The following CNTNAP4 variants were observed in gnomAD, a reference collection of about 807,000 sequenced individuals.
The protein encoded by CNTNAP4 is contactin associated protein family member 4.
CNTNAP4 carries 98 observed loss-of-function variants against 148.4 expected under a neutral mutation model. The ratio of observed to expected loss-of-function variants is 0.66; its 90% CI spans 0.56 to 0.78. The LOEUF is 0.78. CNTNAP4 is among the 30% of genes least tolerant of loss of function. CNTNAP4 has a pLI of 0.00. For missense variants in CNTNAP4, 1,935 were observed against 1,565.6 expected (o/e 1.24, Z -3.98); for synonymous variants, 730 against 565.1 (o/e 1.29, Z -4.14).
In CNTNAP4 at chr16:76,509,441, A is replaced by G. The variant is rs1284558514; in HGVS notation, c.2365+10747A>G. Among the ~76,000 whole-genome samples the G allele has an allele frequency of 2.0e-5, 2 of 97,890 alleles. 1 individual carries two copies. Among genetic ancestry groups the G allele is most frequent in the Non-Finnish European group, 5.8e-5 (2 of 34,444 alleles). The allele number at this position is 97,890 out of a possible 152,430, so 64.2% of individuals were successfully genotyped here. On this transcript the variant is annotated intron_variant, in intron 15 of 23. Coordinates refer to ENST00000611870, the MANE Select transcript of CNTNAP4 (RefSeq NM_033401.5). The stretch of plus-strand genomic sequence containing the variant: ...ATTTTAAAAAGAGGTTGAGAAATGA[A>G]TTTATAAAACTTTATTCATTAAAAT...
chr16:76,373,363 A>G (rs954930937), intron 3 of CNTNAP4, among the ~76,000 whole-genome samples: 1 of 152,206 alleles, frequency 6.6e-6, no homozygotes, highest in African/African-American at 2.4e-5. Context: ...TCTTAGTCAT[A>G]AAAACCAGGA....
chr16:76,420,182 T>C, intron 3 of CNTNAP4, among the ~76,000 whole-genome samples: 1 of 67,524 alleles, frequency 1.5e-5, no homozygotes, highest in African/African-American at 3.5e-5. Flanking sequence ...TTCTAATATA[T>C]TCTAACAGAA....
intron 1 of CNTNAP4, among the ~76,000 whole-genome samples, chr16:76,307,304 A>T (rs1960576247): frequency 6.6e-6 from 1 of 151,892 alleles, no homozygotes; most frequent in Non-Finnish European, 1.5e-5. Flanking sequence ...CATTAATCAA[A>T]GCAACGATAT....
At chr16:76,339,012 T>G (rs970991703) in intron 2 of CNTNAP4, among the ~76,000 whole-genome samples, 2 of 152,120 alleles carry the variant, frequency 1.3e-5, no homozygotes, top group African/African-American at 4.8e-5. Flanking sequence ...GGATGAAAAT[T>G]GAGGGTAGTA....
At chr16:76,514,446 T>C (rs1307261672) in intron 15 of CNTNAP4, among the ~76,000 whole-genome samples, 2 of 152,254 alleles carry the variant, frequency 1.3e-5, no homozygotes, top group African/African-American at 4.8e-5. Flanking sequence ...AGTATAAGAC[T>C]AATGAAAAGA....
intron 17 of CNTNAP4, among the ~76,000 whole-genome samples, chr16:76,529,112 C>T (rs932589420): frequency 6.6e-6 from 1 of 152,186 alleles, no homozygotes; most frequent in African/African-American, 2.4e-5. Context: ...CCAGATAATT[C>T]CAGCCATCAC....
At chr16:76,459,359 T>G (rs1435218372) in intron 8 of CNTNAP4, among the ~76,000 whole-genome samples, 3 of 152,240 alleles carry the variant, frequency 2.0e-5, no homozygotes, top group Admixed American at 2.0e-4. Context: ...TGTGTCTAAA[T>G]GTATCTAACC....
intron 7 of CNTNAP4, 89 bp from the exon 8 acceptor site, chr16:76,452,419 A>G: frequency 7.6e-7 from 1 of 1,309,012 alleles, no homozygotes; most frequent in South Asian, 1.3e-5. Flanking sequence ...AATCGCGGAT[A>G]ATGTGAGATT....
rs1422327807 is a variant in CNTNAP4, at chr16:76,540,871, A to T, written c.3442+81A>T. The T allele has an allele frequency of 1.0e-5, 9 of 900,938 alleles. No homozygotes were observed. The Admixed American group carries it at 1.1e-4, about 11-fold the overall frequency. The allele number at this position is 900,938 out of a possible 1,614,324, so 55.8% of individuals were successfully genotyped here. On this transcript the variant is annotated intron_variant, in intron 21 of 23. Transcript: ENST00000611870. ...GGATCAGAAAAGTCATATTACACAC[A>T]CCCACTTCGTCATGGCAAAGGAAAT...
At chr16:76,344,353 T>A (rs1385696417) in intron 2 of CNTNAP4, among the ~76,000 whole-genome samples, 1 of 152,220 alleles carries the variant, frequency 6.6e-6, no homozygotes, top group African/African-American at 2.4e-5. Flanking sequence ...GATAGATGCA[T>A]TAATTCTTCT....
chr16:76,458,663 A>G (rs1568256238), intron 8 of CNTNAP4, among the ~76,000 whole-genome samples: 1 of 152,168 alleles, frequency 6.6e-6, no homozygotes. Context: ...CTCAGGTGGT[A>G]ATGCAAGTGA....
intron 2 of CNTNAP4, among the ~76,000 whole-genome samples, chr16:76,344,122 T>G (rs1964714025): frequency 6.6e-6 from 1 of 152,174 alleles, no homozygotes; most frequent in African/African-American, 2.4e-5. Context: ...ATCAGTCTAT[T>G]GTAGAACACA....
intron 11 of CNTNAP4, 101 bp downstream of exon 11, chr16:76,476,146 C>G (rs1057386081): frequency 4.4e-5 from 33 of 742,658 alleles, no homozygotes; most frequent in Non-Finnish European, 4.6e-5. Context: ...TGTGCAAACT[C>G]AGCATCCAGT....
intron 21 of CNTNAP4, among the ~76,000 whole-genome samples, chr16:76,552,120 CCTT>C (rs552436103): frequency 1.2e-3 from 171 of 140,832 alleles, no homozygotes; most frequent in Non-Finnish European, 2.1e-3. Flanking sequence ...GAAGCAAAAA[CCTT>C]CTTCACATGG....
chr16:76,290,225 G>A (rs753325598), intron 1 of CNTNAP4, among the ~76,000 whole-genome samples: 1 of 152,072 alleles, frequency 6.6e-6, no homozygotes, highest in Non-Finnish European at 1.5e-5. Context: ...ACAAAAATGA[G>A]GCTTAGACCC....
At chr16:76,500,627 TG>T in intron 15 of CNTNAP4, among the ~76,000 whole-genome samples, 1 of 151,566 alleles carries the variant, frequency 6.6e-6, no homozygotes, top group African/African-American at 2.4e-5. Context: ...TGTGTGTGTG[TG>T]TGTGTGTGTG....
intron 2 of CNTNAP4, among the ~76,000 whole-genome samples, chr16:76,338,645 T>A (rs1964215069): frequency 6.6e-6 from 1 of 152,168 alleles, no homozygotes; most frequent in Non-Finnish European, 1.5e-5. Context: ...TGATGTGCTG[T>A]CTTACTCTTT....
In CNTNAP4 at chr16:76,277,638, T is replaced by TC. The variant is rs781354379; in HGVS notation, c.-25_-24insC. The TC allele has an allele frequency of 2.1e-5, 33 of 1,556,706 alleles. No homozygotes were observed. Reference sequence around the variant, plus strand: ...CGCTCTGAGAGCCTCTCAAGATCTTTTGGGGGAGCCCAATAAATGTGAACA... The same window carrying TC: ...CGCTCTGAGAGCCTCTCAAGATCTTTCTGGGGGAGCCCAATAAATGTGAACA... On this transcript the variant is annotated 5_prime_UTR_variant, in exon 1 of 24. Coordinates refer to ENST00000611870, the MANE Select transcript of CNTNAP4 (RefSeq NM_033401.5).
intron 4 of CNTNAP4, 94 bp from the exon 5 acceptor site, chr16:76,447,918 G>T: frequency 2.4e-6 from 2 of 838,308 alleles, no homozygotes; most frequent in South Asian, 1.6e-5. Context: ...GTATGAGTAC[G>T]TATACTGCCT....
Sources: gnomAD v4.1 joint callset for allele counts (sites outside exome capture counted in the v4.1 genomes callset) on GRCh38, gnomAD v4.1.1 for gene constraint, MANE v1.5 for transcripts, NCBI Gene and HGNC (gene_info 2026-07-23, HGNC 2026-07-21) for gene names.